Variants in STX8 observed in about 807,000 individuals in gnomAD.
STX8 encodes syntaxin-8.
STX8 carries 23 observed loss-of-function variants against 37.5 expected under a neutral mutation model. That is an observed-to-expected ratio of 0.61 (90% CI 0.44 to 0.87). The LOEUF is 0.87. STX8 is among the 40% of genes least tolerant of loss of function. The pLI, the probability that STX8 is intolerant of heterozygous loss-of-function variation, is 0.00. For synonymous variants in STX8, 115 were observed against 99.1 expected, an observed-to-expected ratio of 1.16 and a Z score of -0.95; for missense variants, 313 against 284.7, an observed-to-expected ratio of 1.10 and a Z score of -0.71.
intron 7 of STX8, among the ~76,000 whole-genome samples, chr17:9,350,518 GT>G (rs376385278): frequency 0.012 from 1,739 of 145,294 alleles, 28 homozygotes; most frequent in African/African-American, 0.04. Context: ...ACACTAAAGT[GT>G]TTTTTTTTTT....
At chr17:9,535,752 G>T (rs1372267822) in intron 4 of STX8, among the ~76,000 whole-genome samples, 1 of 151,766 alleles carries the variant, frequency 6.6e-6, no homozygotes, top group African/African-American at 2.4e-5. Flanking sequence ...CTACTTCTAA[G>T]AACTCACCTA....
chr17:9,438,883 C>A lies in STX8; in HGVS notation c.541+52946G>T, dbSNP rs191355256. ...GGCGGAGCTTGCAGTGAGCTGAGAT[C>A]ACGCCACTGCACTCCAGCCTAGGTG... On this transcript the variant is annotated intron_variant, in intron 6 of 7. Transcript: ENST00000306357. 6.8e-3 allele frequency among the ~76,000 whole-genome samples: 1,040 copies of A among 152,126 alleles called. 6 individuals carry two copies. The highest frequency in any genetic ancestry group is 8.8e-3 in the Non-Finnish European group (601 of 67,980).
At chr17:9,328,390 T>C (rs1909847559) in intron 7 of STX8, among the ~76,000 whole-genome samples, 1 of 152,076 alleles carries the variant, frequency 6.6e-6, no homozygotes, top group Non-Finnish European at 1.5e-5. Context: ...TCCAAAGTCC[T>C]TCAGTTCAAA....
intron 6 of STX8, among the ~76,000 whole-genome samples, chr17:9,401,290 CTT>C (rs538843778): frequency 2.6e-5 from 4 of 152,154 alleles, no homozygotes; most frequent in Non-Finnish European, 5.9e-5. Context: ...AATTCATAAA[CTT>C]ATGTTATTTC....
At chr17:9,560,135 C>T (rs958591252) in intron 2 of STX8, among the ~76,000 whole-genome samples, 4 of 150,982 alleles carry the variant, frequency 2.6e-5, no homozygotes. Context: ...TGTGGTGGCT[C>T]ACACCTGTAA....
At chr17:9,575,095 A>C (rs1398438711) in intron 1 of STX8, among the ~76,000 whole-genome samples, 1 of 152,244 alleles carries the variant, frequency 6.6e-6, no homozygotes, top group Non-Finnish European at 1.5e-5. Context: ...CCTTGGGATC[A>C]AACAATATGT....
intron 4 of STX8, among the ~76,000 whole-genome samples, chr17:9,533,204 C>T (rs547970699): frequency 9.2e-5 from 14 of 152,202 alleles, no homozygotes; most frequent in South Asian, 4.1e-4. Flanking sequence ...CGATGGCTCA[C>T]GCCTTGTAAT....
chr17:9,535,876 C>T (rs1906028537), intron 4 of STX8, among the ~76,000 whole-genome samples: 1 of 152,258 alleles, frequency 6.6e-6, no homozygotes, highest in South Asian at 2.1e-4. Flanking sequence ...TAAATGCATA[C>T]AATGAAATAT....
chr17:9,283,733 G>A (rs73264085), intron 7 of STX8, among the ~76,000 whole-genome samples: 2,408 of 152,238 alleles, frequency 0.016, 63 homozygotes, highest in African/African-American at 0.055. Flanking sequence ...TTCAATAACT[G>A]CATGTTTCCA....
chr17:9,277,306 C>T (rs749422991), intron 7 of STX8, among the ~76,000 whole-genome samples: 13 of 152,106 alleles, frequency 8.5e-5, no homozygotes, highest in African/African-American at 2.4e-4. Flanking sequence ...CTCTGGAGCA[C>T]GGGGTGTGGA....
intron 7 of STX8, among the ~76,000 whole-genome samples, chr17:9,320,614 C>T (rs369575274): frequency 6.6e-6 from 1 of 150,840 alleles, no homozygotes; most frequent in South Asian, 2.1e-4. Flanking sequence ...TCCTTGTGGC[C>T]GGGCATGGTG....
intron 7 of STX8, among the ~76,000 whole-genome samples, chr17:9,251,613 C>T (rs993526723): frequency 2.0e-5 from 3 of 152,164 alleles, no homozygotes; most frequent in Admixed American, 6.5e-5. Flanking sequence ...TGTGCAGGGT[C>T]ACATGGTTGC....
In STX8 at chr17:9,250,527, G is replaced by C. The variant is rs775578430; in HGVS notation, c.*51C>G. ...GTTTTGCGTACCAAAAGGGTGTTGG[G>C]CTTGCATCTGTCATTGGCAGGTGTC... is the stretch of plus-strand genomic sequence containing the variant. On this transcript the variant is annotated 3_prime_UTR_variant, in exon 8 of 8. Transcript: ENST00000306357. The C allele has an allele frequency of 9.3e-6, 14 of 1,503,752 alleles. No individual in the cohort carries two copies. Among genetic ancestry groups the C allele is most frequent in the Non-Finnish European group, 1.3e-5 (14 of 1,099,758 alleles). 93.2% of individuals were successfully genotyped at this position (1,503,752 alleles called of 1,614,324 possible).
intron 2 of STX8, among the ~76,000 whole-genome samples, chr17:9,558,087 G>A (rs1189942914): frequency 6.6e-6 from 1 of 152,130 alleles, no homozygotes; most frequent in Non-Finnish European, 1.5e-5. Flanking sequence ...CTTTTCCCAG[G>A]AGGGTGCGCA....
intron 6 of STX8, among the ~76,000 whole-genome samples, chr17:9,462,165 A>G (rs1240700978): frequency 6.6e-6 from 1 of 152,176 alleles, no homozygotes; most frequent in African/African-American, 2.4e-5. Context: ...TCAGGGGAAC[A>G]AACATGACAG....
intron 7 of STX8, among the ~76,000 whole-genome samples, chr17:9,282,289 T>C (rs546394041): frequency 6.4e-4 from 98 of 152,200 alleles, no homozygotes; most frequent in African/African-American, 2.3e-3. Context: ...CCTGCCATCA[T>C]GCCCAGCTAA....
intron 6 of STX8, among the ~76,000 whole-genome samples, chr17:9,414,047 C>A (rs1415916738): frequency 5.1e-5 from 6 of 118,370 alleles, no homozygotes; most frequent in Non-Finnish European, 9.2e-5. Context: ...TCTATCTGCC[C>A]GTCCGTCTGT....
intron 7 of STX8, among the ~76,000 whole-genome samples, chr17:9,364,588 C>T (rs895108471): frequency 2.6e-5 from 4 of 152,002 alleles, no homozygotes; most frequent in East Asian, 1.9e-4. Context: ...TGGAGGGCAG[C>T]GGCGCGATCT....
intron 6 of STX8, among the ~76,000 whole-genome samples, chr17:9,452,694 G>A (rs959047646): frequency 5.3e-5 from 8 of 152,102 alleles, no homozygotes; most frequent in African/African-American, 9.7e-5. Context: ...GTCACATGAC[G>A]GGTGTTCTCA....
Sources: gnomAD v4.1 joint callset for allele counts (sites outside exome capture counted in the v4.1 genomes callset) on GRCh38, gnomAD v4.1.1 for gene constraint, MANE v1.5 for transcripts, NCBI Gene and HGNC (gene_info 2026-07-23, HGNC 2026-07-21) for gene names.